TUB: variants seen among roughly 807,000 people sequenced by gnomAD.
The protein encoded by TUB is TUB bipartite transcription factor, also known as tubby protein homolog.
In TUB, 33 loss-of-function variants were observed where a neutral mutation model predicts 59.7. The ratio of observed to expected loss-of-function variants is 0.55; its 90% CI spans 0.42 to 0.74. The LOEUF (loss-of-function observed/expected upper bound fraction) is 0.74, where lower values mean the gene tolerates loss of function less well. Ranked by LOEUF, TUB falls within the 30% of genes least tolerant of loss-of-function variation. The pLI, the probability that TUB is intolerant of heterozygous loss-of-function variation, is 0.00. For synonymous variants in TUB, 293 were observed against 256.4 expected (o/e 1.14, Z -1.36); for missense variants, 659 against 672.0 (o/e 0.98, Z 0.21).
intron 1 of TUB, among the ~76,000 whole-genome samples, chr11:8,085,843 G>A (rs915524380): frequency 5.3e-5 from 8 of 152,328 alleles, no homozygotes; most frequent in African/African-American, 1.9e-4. Context: ...TGCTTTTCCA[G>A]GGCACAGAAT....
At chr11:8,045,145 G>A (rs983374956) in intron 2 of TUB, among the ~76,000 whole-genome samples, 1 of 151,966 alleles carries the variant, frequency 6.6e-6, no homozygotes, top group Non-Finnish European at 1.5e-5. Context: ...TAATCACATG[G>A]TTGGTTCCTT....
At chr11:8,077,380 A>G (rs1943466728), upstream of TUB, 3 of 152,120 alleles carry the variant, frequency 2.0e-5, no homozygotes, top group South Asian at 6.2e-4. Context: ...ATTTCCTGCC[A>G]CACCGAACCA....
At position 8,104,927 on chromosome 11, in the gene TUB, G is replaced by GTTTTTTTTTT. The variant is rs764446328; in HGVS notation, c.*3310_*3311insTTTTTTTTTT. On this transcript the variant is annotated 3_prime_UTR_variant, in exon 12 of 12. Coordinates refer to ENST00000299506, the MANE Select transcript of TUB (RefSeq NM_177972.3). ...GGGCACAAAATTCTAGAAGCAGAAGGTTGTTTTTTTTTTTTTTTCTCCATT... is the reference window on the plus strand; with the variant it reads ...GGGCACAAAATTCTAGAAGCAGAAGGTTTTTTTTTTTTGTTTTTTTTTTTTTTTCTCCATT... 5 of 144,104 alleles carry GTTTTTTTTTT rather than the reference G, an allele frequency of 3.5e-5. No individual in the cohort carries two copies. The highest frequency in any genetic ancestry group is 3.0e-5 in the Non-Finnish European group (2 of 66,278). The allele number at this position is 144,104 out of a possible 1,614,324, so 8.9% of individuals were successfully genotyped here.
At chr11:8,095,780 G>GGTT in intron 5 of TUB, 115 bp downstream of exon 5, 1 of 1,178,150 alleles carries the variant, frequency 8.5e-7, no homozygotes, top group Non-Finnish European at 1.2e-6. Context: ...GCAATGGTGG[G>GGTT]TGAGGGTGGG....
At position 8,103,149 on chromosome 11, in the gene TUB, G is replaced by A. The variant is rs1004857089; in HGVS notation, c.*1530G>A. 6.6e-6 allele frequency: 1 copy of A among 152,284 alleles called. No individual in the cohort carries two copies. The highest frequency in any genetic ancestry group is 1.5e-5 in the Non-Finnish European group (1 of 68,100). The allele number at this position is 152,284 out of a possible 1,614,324, so 9.4% of individuals were successfully genotyped here. On this transcript the variant is annotated 3_prime_UTR_variant, in exon 12 of 12. Transcript: ENST00000299506. ...GGCTGCTGCACACTTCTCGGTCTAG[G>A]TGGGAGAGAGTGCATAAAGGTTCTG...
intron 1 of TUB, among the ~76,000 whole-genome samples, chr11:8,023,183 A>C (rs547031735): frequency 6.6e-6 from 1 of 152,226 alleles, no homozygotes; most frequent in Admixed American, 6.5e-5. Flanking sequence ...GATTCCAGTG[A>C]GACAGCAGAA....
intron 2 of TUB, among the ~76,000 whole-genome samples, chr11:8,045,019 A>C (rs1260088360): frequency 6.6e-6 from 1 of 152,142 alleles, no homozygotes; most frequent in Admixed American, 6.5e-5. Context: ...GGTTTTATGG[A>C]GGTCCTGTTA....
intron 11 of TUB, 74 bp from the exon 12 acceptor site, chr11:8,101,412 G>A (rs777654699): frequency 1.8e-5 from 29 of 1,580,184 alleles, no homozygotes; most frequent in African/African-American, 5.4e-5. Context: ...TGGTTTGGGT[G>A]TCTGTCTATC....
chr11:8,101,415 T>C, intron 11 of TUB, 71 bp from the exon 12 acceptor site: 2 of 1,588,610 alleles, frequency 1.3e-6, no homozygotes, highest in East Asian at 2.2e-5. Flanking sequence ...TTTGGGTGTC[T>C]GTCTATCCTT....
chr11:8,059,397 AAGAGG>A (rs1028794225), intron 2 of TUB, among the ~76,000 whole-genome samples: 2 of 152,174 alleles, frequency 1.3e-5, no homozygotes, highest in African/African-American at 4.8e-5. Context: ...AGGCTGGGAC[AAGAGG>A]AGCTGCTCAG....
At chr11:8,067,055 C>T (rs1446735511) in intron 2 of TUB, among the ~76,000 whole-genome samples, 2 of 152,198 alleles carry the variant, frequency 1.3e-5, no homozygotes, top group African/African-American at 4.8e-5. Context: ...GCTCCACTCC[C>T]GGCTCCTGAT....
At chr11:8,042,275 A>G (rs1942764101) in intron 2 of TUB, among the ~76,000 whole-genome samples, 1 of 152,196 alleles carries the variant, frequency 6.6e-6, no homozygotes, top group Non-Finnish European at 1.5e-5. Context: ...AATATTTTCT[A>G]GGTTCATCTG....
chr11:8,074,144 G>A (rs185720585), intron 2 of TUB, among the ~76,000 whole-genome samples: 1 of 151,440 alleles, frequency 6.6e-6, no homozygotes, highest in African/African-American at 2.4e-5. Flanking sequence ...TGTGTTTATC[G>A]TCTGTCTTCT....
At chr11:8,100,660 C>T in intron 10 of TUB, 59 bp downstream of exon 10, 1 of 1,570,936 alleles carries the variant, frequency 6.4e-7, no homozygotes, top group Non-Finnish European at 8.7e-7. Flanking sequence ...GCATGAGCTT[C>T]TAAGGGCAGA....
At chr11:8,101,375 C>G in intron 11 of TUB, 111 bp from the exon 12 acceptor site, 2 of 1,378,808 alleles carry the variant, frequency 1.5e-6, no homozygotes, top group Admixed American at 1.8e-5. Flanking sequence ...CCTGGCATCT[C>G]TGCTTCTCAC....
Position 8,095,586 on chromosome 11 carries a change from C to T in TUB, c.486C>T (p.Ala162=). 1 of 1,613,128 alleles carries T rather than the reference C, an allele frequency of 6.2e-7. No individual in the cohort carries two copies. The highest frequency in any genetic ancestry group is 1.1e-5 in the South Asian group (1 of 90,980). ...TGACTGTGGGCCAGTCAGACCACGC[C>T]CAGGACGCAGGGGAGACGGCAGCTG... ...QILTVGQSDH[A]QDAGETAAGG... is the part of the protein sequence containing the mutation. Residue 162 remains alanine (A), a synonymous_variant, in exon 5 of 12, where the codon GCC becomes GCT. Coordinates refer to ENST00000299506, the MANE Select transcript of TUB (RefSeq NM_177972.3).
At chr11:8,078,845 G>A (rs1943493015), upstream of TUB, among the ~76,000 whole-genome samples, 1 of 151,932 alleles carries the variant, frequency 6.6e-6, no homozygotes, top group South Asian at 2.1e-4. Flanking sequence ...CAACCCATGT[G>A]CATACACACA....
At chr11:8,077,986 T>C (rs1257498990), upstream of TUB, among the ~76,000 whole-genome samples, 2 of 152,202 alleles carry the variant, frequency 1.3e-5, no homozygotes, top group Non-Finnish European at 2.9e-5. Flanking sequence ...CATTTATCAT[T>C]CATATCCCTT....
chr11:8,097,682 G>A, intron 7 of TUB, 32 bp from the exon 8 acceptor site: 1 of 1,580,832 alleles, frequency 6.3e-7, no homozygotes, highest in Non-Finnish European at 8.7e-7. Flanking sequence ...CAGAGGCTGA[G>A]TCTGGAATAT....
Sources: gnomAD v4.1 joint callset for allele counts (sites outside exome capture counted in the v4.1 genomes callset) on GRCh38, gnomAD v4.1.1 for gene constraint, MANE v1.5 for transcripts, NCBI Gene and HGNC (gene_info 2026-07-23, HGNC 2026-07-21) for gene names.